Variants in XDH observed in about 807,000 individuals in gnomAD.
The protein encoded by XDH is xanthine dehydrogenase.
XDH carries 138 observed loss-of-function variants against 156.1 expected under a neutral mutation model. The ratio of observed to expected loss-of-function variants is 0.88; its 90% CI spans 0.77 to 1.02. The LOEUF (loss-of-function observed/expected upper bound fraction) is 1.02, where lower values mean the gene tolerates loss of function less well. XDH is among the 50% of genes least tolerant of loss of function. XDH has a pLI of 0.00. For synonymous variants in XDH, 669 were observed against 625.7 expected (o/e 1.07, Z -1.03); for missense variants, 1,849 against 1,684.9 (o/e 1.10, Z -1.71).
intron 24 of XDH, among the ~76,000 whole-genome samples, chr2:31,363,209 G>A (rs1685823217): frequency 6.6e-6 from 1 of 152,234 alleles, no homozygotes; most frequent in African/African-American, 2.4e-5. Flanking sequence ...CTACTCGGGA[G>A]GCTGAGACAG....
rs772808145 is a variant in XDH, at chr2:31,364,264, G to A, written c.2545-20C>T. 7 of 1,613,200 alleles carry A rather than the reference G, an allele frequency of 4.3e-6. No individual in the cohort carries two copies. In the East Asian group the frequency reaches 1.1e-4, roughly 26 times the overall value. On this transcript the variant is annotated intron_variant, in intron 23 of 35. Transcript: ENST00000379416. ...GCCAACCTGATAAAAGGAGAAAGGAGAGGGATTTATCATAAGTCCCGTTTC... is the reference window on the plus strand; with the variant it reads ...GCCAACCTGATAAAAGGAGAAAGGAAAGGGATTTATCATAAGTCCCGTTTC...
intron 32 of XDH, 66 bp downstream of exon 32, chr2:31,342,117 G>T: frequency 1.4e-6 from 2 of 1,393,080 alleles, no homozygotes; most frequent in Non-Finnish European, 2.0e-6. Flanking sequence ...ATCAGCTCTA[G>T]GTATTACAAC....
chr2:31,368,412 A>C, intron 19 of XDH, 129 bp downstream of exon 19: 1 of 1,224,626 alleles, frequency 8.2e-7, no homozygotes, highest in Non-Finnish European at 1.2e-6. Flanking sequence ...CCCAGGGTTG[A>C]AAGGGATTTA....
intron 32 of XDH, 130 bp from the exon 33 acceptor site, chr2:31,341,524 G>C: frequency 1.1e-6 from 1 of 944,474 alleles, no homozygotes; most frequent in Non-Finnish European, 1.7e-6. Flanking sequence ...AAAGCCCTGG[G>C]TGTGCTCAGG....
At chr2:31,349,190 G>C (rs149685903) in intron 26 of XDH, among the ~76,000 whole-genome samples, 1 of 152,204 alleles carries the variant, frequency 6.6e-6, no homozygotes, top group East Asian at 1.9e-4. Context: ...TGGTAATCTT[G>C]GGCTGTCATC....
At position 31,388,127 on chromosome 2, in the gene XDH, C is replaced by A. The variant is rs539793207; in HGVS notation, c.564+100G>T. 4.4e-6 allele frequency: 6 copies of A among 1,375,612 alleles called. No individual in the cohort carries two copies. The African/African-American group carries it at 8.5e-5, about 20-fold the overall frequency. 85.2% of individuals were successfully genotyped at this position (1,375,612 alleles called of 1,614,324 possible). A position where few individuals can be genotyped will look rare whatever the true frequency, so the allele number is the denominator to read the frequency against. ...TGCCATCACCGACTCACCGTAGGTT[C>A]CTCTTCCAGCCCCCACCGCCAGGGA... On this transcript the variant is annotated intron_variant, in intron 7 of 35. Transcript: ENST00000379416.
At position 31,365,446 on chromosome 2, in the gene XDH, A is replaced by G. The variant is rs772861615; in HGVS notation, c.2544+11T>C. The G allele has an allele frequency of 1.2e-6, 2 of 1,614,130 alleles. No individual in the cohort carries two copies. Among genetic ancestry groups the G allele is most frequent in the Non-Finnish European group, 1.7e-6 (2 of 1,179,974 alleles). On this transcript the variant is annotated intron_variant, in intron 23 of 35. Coordinates refer to ENST00000379416, the MANE Select transcript of XDH (RefSeq NM_000379.4). Reference sequence around the variant, plus strand: ...CTCATCCCGCCCCAGCACAGCCCCAACATCTAGAACCTTGTATCTGGCCAG... The same window carrying G: ...CTCATCCCGCCCCAGCACAGCCCCAGCATCTAGAACCTTGTATCTGGCCAG...
intron 15 of XDH, among the ~76,000 whole-genome samples, chr2:31,374,884 C>T (rs1415832533): frequency 6.6e-6 from 1 of 152,142 alleles, no homozygotes; most frequent in Admixed American, 6.5e-5. Context: ...TGCACTCTCT[C>T]TTGAAGACAT....
At chr2:31,369,403 A>T (rs1686009051) in intron 18 of XDH, among the ~76,000 whole-genome samples, 1 of 152,222 alleles carries the variant, frequency 6.6e-6, no homozygotes, top group Non-Finnish European at 1.5e-5. Context: ...GATCTCCTTC[A>T]GAGATAATTG....
intron 35 of XDH, among the ~76,000 whole-genome samples, chr2:31,337,164 T>A (rs1394285611): frequency 6.6e-6 from 1 of 152,134 alleles, no homozygotes; most frequent in East Asian, 1.9e-4. Context: ...GACATCTATG[T>A]GTCCCCAGTA....
chr2:31,411,896 G>A (rs1054426020), intron 1 of XDH, among the ~76,000 whole-genome samples: 1 of 152,196 alleles, frequency 6.6e-6, no homozygotes, highest in African/African-American at 2.4e-5. Context: ...TGTTGTCTGA[G>A]GCCTCAGAAG....
chr2:31,377,082 G>A lies in XDH; in HGVS notation c.1398C>T (p.Ala466=). The change falls in exon 14 of 36, where the codon GCC becomes GCT. Residue 466 remains alanine (A), a synonymous_variant. Coordinates refer to ENST00000379416, the MANE Select transcript of XDH (RefSeq NM_000379.4). ...AAAGCTGCCTCTGAGTGGTCTTGAG[G>A]GCTGAGATGGTTCTGTTGGCCATTC... ...YGGMANRTIS[A]LKTTQRQLSK... 6 of 1,614,110 alleles carry A rather than the reference G, an allele frequency of 3.7e-6. No homozygotes were observed. The highest frequency in any genetic ancestry group is 5.1e-6 in the Non-Finnish European group (6 of 1,180,014).
At chr2:31,382,454 G>A (rs1686463609) in intron 11 of XDH, among the ~76,000 whole-genome samples, 1 of 152,204 alleles carries the variant, frequency 6.6e-6, no homozygotes, top group Non-Finnish European at 1.5e-5. Context: ...GTTGTGAAGA[G>A]CTTCCATTGG....
At chr2:31,339,182 G>GC (rs1377847216) in intron 34 of XDH, among the ~76,000 whole-genome samples, 1 of 152,124 alleles carries the variant, frequency 6.6e-6, no homozygotes, top group Non-Finnish European at 1.5e-5. Flanking sequence ...AGTGACGTAC[G>GC]CCTGAGATAT....
At chr2:31,376,294 T>C (rs1461307587) in intron 14 of XDH, among the ~76,000 whole-genome samples, 2 of 150,378 alleles carry the variant, frequency 1.3e-5, no homozygotes, top group Admixed American at 6.7e-5. Flanking sequence ...TGTCATAGAA[T>C]CAACAGCAAC....
At chr2:31,361,596 T>C (rs1017827204) in intron 24 of XDH, among the ~76,000 whole-genome samples, 4 of 152,178 alleles carry the variant, frequency 2.6e-5, no homozygotes, top group African/African-American at 9.7e-5. Flanking sequence ...GCACCAATAA[T>C]GGAGGCTAAG....
At chr2:31,388,719 T>A (rs1686681214) in intron 6 of XDH, among the ~76,000 whole-genome samples, 1 of 152,166 alleles carries the variant, frequency 6.6e-6, no homozygotes, top group African/African-American at 2.4e-5. Context: ...GGCTGGTGTC[T>A]CCCAGGCTGG....
Position 31,403,182 on chromosome 2 carries a change from G to C in XDH, c.101-38C>G, listed in dbSNP as rs376246655. On this transcript the variant is annotated intron_variant, in intron 2 of 35. Coordinates refer to ENST00000379416, the MANE Select transcript of XDH (RefSeq NM_000379.4). ...GAGTTAAGGAGAATGAACTCAGGGA[G>C]AGGAGTCTGCTGGGTTGCTAGGAAA... is the stretch of plus-strand genomic sequence containing the variant. 29 of 1,606,592 alleles carry C rather than the reference G, an allele frequency of 1.8e-5. No homozygotes were observed. In the African/African-American group the frequency reaches 3.7e-4, roughly 21 times the overall value.
At chr2:31,359,841 G>T (rs1685728566) in intron 24 of XDH, among the ~76,000 whole-genome samples, 1 of 152,194 alleles carries the variant, frequency 6.6e-6, no homozygotes, top group South Asian at 2.1e-4. Flanking sequence ...TATTGAAAAG[G>T]ATATTAAGGA....
Sources: gnomAD v4.1 joint callset for allele counts (sites outside exome capture counted in the v4.1 genomes callset) on GRCh38, gnomAD v4.1.1 for gene constraint, MANE v1.5 for transcripts, NCBI Gene and HGNC (gene_info 2026-07-23, HGNC 2026-07-21) for gene names.